SOX5: variants seen among roughly 807,000 people sequenced by gnomAD.
The protein encoded by SOX5 is SRY-box transcription factor 5.
SOX5 carries 9 observed loss-of-function variants against 92.0 expected under a neutral mutation model. The observed-to-expected ratio is 0.10, with a 90% CI of 0.06 to 0.17. The LOEUF (loss-of-function observed/expected upper bound fraction) is 0.17, where lower values mean the gene tolerates loss of function less well. Ranked by LOEUF, SOX5 falls within the 10% of genes least tolerant of loss-of-function variation. SOX5 has a pLI of 1.00. For synonymous variants in SOX5, 344 were observed against 336.3 expected (o/e 1.02, Z -0.25); for missense variants, 642 against 944.5 (o/e 0.68, Z 4.20).
In SOX5 at chr12:24,375,133, C is replaced by G. The variant is rs1037012970; in HGVS notation, c.-250-6494G>C. ...AACTACAGGCGCCCGCCACTACGCCCAGCTAATTTTTTTGTATTTTTAGTA... is the reference window on the plus strand; with the variant it reads ...AACTACAGGCGCCCGCCACTACGCCGAGCTAATTTTTTTGTATTTTTAGTA... On this transcript the variant is annotated intron_variant, in intron 1 of 4. Transcript: ENST00000446891. 6.6e-5 allele frequency among the ~76,000 whole-genome samples: 10 copies of G among 151,918 alleles called. 1 individual carries two copies. Among genetic ancestry groups the G allele is most frequent in the African/African-American group, 2.2e-4 (9 of 41,402 alleles).
intron 2 of SOX5, among the ~76,000 whole-genome samples, chr12:24,282,464 CT>C: frequency 6.7e-6 from 1 of 149,650 alleles, no homozygotes; most frequent in Non-Finnish European, 1.5e-5. Context: ...AATAAAAACC[CT>C]AATCTCAAAA....
chr12:24,194,405 ATAGGTAGGTAGGTAGGTAGG>A (rs771951950), intron 4 of SOX5, among the ~76,000 whole-genome samples: 1 of 148,134 alleles, frequency 6.8e-6, no homozygotes. Context: ...ATCTATCTAG[ATAGGTAGGTAGGTAGGTAGG>A]TAGGTATGTA....
In SOX5 at chr12:23,775,762, C is replaced by G. The variant is rs561970363; in HGVS notation, c.482-20038G>C. ...TGTCACTTCTGTGTGTTTCCACTAT[C>G]TATTTGCACTTTTAGGGCACTCTTG... On this transcript the variant is annotated intron_variant, in intron 3 of 14. Coordinates refer to ENST00000451604, the MANE Select transcript of SOX5 (RefSeq NM_006940.6). Among the ~76,000 whole-genome samples the G allele has an allele frequency of 1.5e-4, 23 of 152,316 alleles. No homozygotes were observed. In the South Asian group the frequency reaches 1.7e-3, roughly 11 times the overall value.
chr12:23,777,144 C>T (rs914968884), intron 3 of SOX5, among the ~76,000 whole-genome samples: 1 of 152,194 alleles, frequency 6.6e-6, no homozygotes, highest in Non-Finnish European at 1.5e-5. Context: ...TATTCTGCTA[C>T]ACTCTTAGAG....
chr12:24,171,278 C>T (rs1363650565), intron 4 of SOX5, among the ~76,000 whole-genome samples: 2 of 129,586 alleles, frequency 1.5e-5, no homozygotes, highest in African/African-American at 6.0e-5. Flanking sequence ...GGCTGGAGTG[C>T]AGTGGCCCAA....
intron 1 of SOX5, among the ~76,000 whole-genome samples, chr12:24,466,244 T>C (rs1944222365): frequency 6.6e-6 from 1 of 151,848 alleles, no homozygotes; most frequent in Non-Finnish European, 1.5e-5. Flanking sequence ...TCTTCTTTTC[T>C]TTCTTTTTTT....
chr12:24,247,982 A>G (rs1266880672), intron 3 of SOX5, among the ~76,000 whole-genome samples: 2 of 152,000 alleles, frequency 1.3e-5, no homozygotes, highest in Admixed American at 6.6e-5. Context: ...GCTACTTTTT[A>G]AAAACACCAG....
chr12:23,663,546 AC>A (rs2083360094), intron 7 of SOX5, among the ~76,000 whole-genome samples: 1 of 152,086 alleles, frequency 6.6e-6, no homozygotes, highest in Admixed American at 6.6e-5. Flanking sequence ...GCTTTAAAAA[AC>A]TTTTTTGTTT....
At chr12:24,122,767 G>GA (rs1948756685) in intron 4 of SOX5, among the ~76,000 whole-genome samples, 2 of 152,052 alleles carry the variant, frequency 1.3e-5, no homozygotes, top group African/African-American at 4.8e-5. Flanking sequence ...TTTCTTTCCT[G>GA]AAAAATATGA....
chr12:24,276,650 T>C (rs1361051848), intron 3 of SOX5, among the ~76,000 whole-genome samples: 3 of 152,168 alleles, frequency 2.0e-5, no homozygotes, highest in East Asian at 1.9e-4. Flanking sequence ...CCCAAGAGTA[T>C]AACATTTTTG....
At chr12:23,637,792 G>A (rs1422902733) in intron 8 of SOX5, among the ~76,000 whole-genome samples, 3 of 152,196 alleles carry the variant, frequency 2.0e-5, no homozygotes, top group Non-Finnish European at 2.9e-5. Flanking sequence ...ACTGGACAGT[G>A]TACAGCTTGG....
chr12:23,800,786 A>G (rs2095646601), intron 3 of SOX5, among the ~76,000 whole-genome samples: 1 of 152,194 alleles, frequency 6.6e-6, no homozygotes, highest in Non-Finnish European at 1.5e-5. Flanking sequence ...ATAAACCATT[A>G]TTCTCATTAG....
intron 8 of SOX5, among the ~76,000 whole-genome samples, chr12:23,615,102 T>C (rs1257554871): frequency 1.3e-5 from 2 of 152,146 alleles, no homozygotes; most frequent in East Asian, 3.9e-4. Flanking sequence ...GTACCCGGCC[T>C]TATATTTTCA....
At chr12:23,811,418 T>A (rs2095873367) in intron 3 of SOX5, among the ~76,000 whole-genome samples, 2 of 152,132 alleles carry the variant, frequency 1.3e-5, no homozygotes, top group South Asian at 4.1e-4. Flanking sequence ...ACCTGCCCTA[T>A]TTAAAAGAAA....
At chr12:23,572,488 G>T (rs1037770264) in intron 10 of SOX5, among the ~76,000 whole-genome samples, 2 of 151,860 alleles carry the variant, frequency 1.3e-5, no homozygotes, top group Non-Finnish European at 2.9e-5. Flanking sequence ...TAGTAGTGGG[G>T]AAAGTCATGA....
At chr12:24,455,680 T>G (rs1347758798) in intron 1 of SOX5, among the ~76,000 whole-genome samples, 1 of 152,232 alleles carries the variant, frequency 6.6e-6, no homozygotes, top group African/African-American at 2.4e-5. Context: ...TGAAGACTGA[T>G]AGTCGGCTGA....
chr12:24,241,748 A>G (rs1345781701), intron 3 of SOX5, among the ~76,000 whole-genome samples: 1 of 152,164 alleles, frequency 6.6e-6, no homozygotes, highest in African/African-American at 2.4e-5. Context: ...GCTCTGGCAA[A>G]CAAGCAAAGT....
intron 4 of SOX5, among the ~76,000 whole-genome samples, chr12:24,210,232 A>G (rs1309063160): frequency 6.6e-6 from 1 of 152,076 alleles, no homozygotes; most frequent in Non-Finnish European, 1.5e-5. Context: ...TTTATTACCT[A>G]ATATGTGTAC....
At chr12:24,384,265 G>A (rs187802454) in intron 1 of SOX5, among the ~76,000 whole-genome samples, 61 of 152,258 alleles carry the variant, frequency 4.0e-4, no homozygotes, top group African/African-American at 1.4e-3. Context: ...TAGGGTTTGC[G>A]CTCCTACAAG....
Sources: allele counts gnomAD v4.1 joint callset (sites outside exome capture counted in the v4.1 genomes callset), GRCh38; gene constraint gnomAD v4.1.1; transcripts MANE v1.5; gene names NCBI Gene and HGNC (gene_info 2026-07-23, HGNC 2026-07-21).